Variants in INPP4B observed in about 807,000 individuals in gnomAD.
The protein encoded by INPP4B is inositol polyphosphate-4-phosphatase type II B.
In INPP4B, 55 loss-of-function variants were observed where a neutral mutation model predicts 122.5. The ratio of observed to expected loss-of-function variants is 0.45; its 90% CI spans 0.36 to 0.56. INPP4B has a LOEUF of 0.56. INPP4B is among the 20% of genes least tolerant of loss of function. The pLI is 0.00. For missense variants in INPP4B, 1,000 were observed against 1,097.7 expected (o/e 0.91, Z 1.26); for synonymous variants, 403 against 388.7 (o/e 1.04, Z -0.43).
intron 7 of INPP4B, among the ~76,000 whole-genome samples, chr4:142,366,088 C>G (rs942687091): frequency 1.7e-4 from 26 of 151,996 alleles, no homozygotes; most frequent in African/African-American, 6.0e-4. Context: ...TAATTTGTTT[C>G]TGCCCCACCC....
At chr4:142,404,124 T>C (rs1430429584) in intron 6 of INPP4B, among the ~76,000 whole-genome samples, 1 of 152,238 alleles carries the variant, frequency 6.6e-6, no homozygotes, top group African/African-American at 2.4e-5. Flanking sequence ...AAGATTATTT[T>C]TGTTAATTCA....
At chr4:142,511,420 AT>A (rs1417159604) in intron 2 of INPP4B, among the ~76,000 whole-genome samples, 2 of 152,172 alleles carry the variant, frequency 1.3e-5, no homozygotes, top group Non-Finnish European at 2.9e-5. Context: ...TAAAAGAGAA[AT>A]TTTTTATCAT....
intron 7 of INPP4B, among the ~76,000 whole-genome samples, chr4:142,375,871 T>C (rs2148777320): frequency 6.6e-6 from 1 of 152,050 alleles, no homozygotes; most frequent in South Asian, 2.1e-4. Flanking sequence ...TGCCCACACC[T>C]GGACTTTTTG....
At chr4:142,145,206 A>G (rs552247295) in intron 18 of INPP4B, among the ~76,000 whole-genome samples, 1 of 152,110 alleles carries the variant, frequency 6.6e-6, no homozygotes, top group Non-Finnish European at 1.5e-5. Flanking sequence ...TATACATTTG[A>G]AAGTATCTGC....
At chr4:142,080,949 A>G (rs1773613627) in intron 25 of INPP4B, among the ~76,000 whole-genome samples, 1 of 152,176 alleles carries the variant, frequency 6.6e-6, no homozygotes, top group Non-Finnish European at 1.5e-5. Context: ...CATGTTGTAT[A>G]TGGCTGAGAT....
chr4:142,212,418 T>C (rs1242319373), intron 12 of INPP4B, among the ~76,000 whole-genome samples: 1 of 152,208 alleles, frequency 6.6e-6, no homozygotes, highest in Non-Finnish European at 1.5e-5. Flanking sequence ...GTTGCAGACC[T>C]AAATCCTGAT....
At chr4:142,818,016 G>C (rs1780328696) in intron 1 of INPP4B, among the ~76,000 whole-genome samples, 1 of 151,908 alleles carries the variant, frequency 6.6e-6, no homozygotes, top group African/African-American at 2.4e-5. Context: ...GAAAAATTGA[G>C]AGGAAGAAAA....
chr4:142,181,717 C>G (rs1199959653), intron 15 of INPP4B, among the ~76,000 whole-genome samples: 2 of 152,058 alleles, frequency 1.3e-5, no homozygotes, highest in Non-Finnish European at 2.9e-5. Context: ...AAATTTACTT[C>G]TTTTATTTTT....
intron 23 of INPP4B, 57 bp downstream of exon 23, chr4:142,108,036 C>A: frequency 3.3e-6 from 3 of 920,888 alleles, no homozygotes; most frequent in Non-Finnish European, 5.2e-6. Context: ...CTGACCTCTT[C>A]TAAAGATTTA....
At chr4:142,137,067 G>T (rs535326260) in intron 18 of INPP4B, among the ~76,000 whole-genome samples, 9 of 152,148 alleles carry the variant, frequency 5.9e-5, no homozygotes, top group Non-Finnish European at 8.8e-5. Context: ...AAAAGAGCTC[G>T]CATCGTCAAG....
At chr4:142,116,339 C>T (rs1405476715) in intron 21 of INPP4B, among the ~76,000 whole-genome samples, 1 of 152,060 alleles carries the variant, frequency 6.6e-6, no homozygotes, top group Non-Finnish European at 1.5e-5. Context: ...AACTCTCCAC[C>T]CCAAATCAAC....
intron 3 of INPP4B, among the ~76,000 whole-genome samples, chr4:142,450,819 T>TGTC (rs1193640196): frequency 2.0e-5 from 3 of 152,302 alleles, no homozygotes; most frequent in Non-Finnish European, 2.9e-5. Context: ...TCTTTCTATA[T>TGTC]GTCACCTGCT....
At chr4:142,144,715 G>A (rs1579065839) in intron 18 of INPP4B, among the ~76,000 whole-genome samples, 1 of 152,006 alleles carries the variant, frequency 6.6e-6, no homozygotes, top group Non-Finnish European at 1.5e-5. Flanking sequence ...GAGGAAGAGG[G>A]ACCATCTACA....
chr4:142,160,662 T>C (rs1819662658), intron 16 of INPP4B, 101 bp from the exon 17 acceptor site: 6 of 775,178 alleles, frequency 7.7e-6, no homozygotes, highest in Non-Finnish European at 1.2e-5. Flanking sequence ...AAGTGGTGTG[T>C]ATGGTGGAAA....
chr4:142,607,945 GGACAAA>G (rs1741632091), intron 2 of INPP4B, among the ~76,000 whole-genome samples: 1 of 152,086 alleles, frequency 6.6e-6, no homozygotes, highest in South Asian at 2.1e-4. Context: ...CTTCCTCTAT[GGACAAA>G]GACACCATGA....
intron 12 of INPP4B, among the ~76,000 whole-genome samples, chr4:142,218,515 C>A (rs1197572025): frequency 6.6e-6 from 1 of 151,958 alleles, no homozygotes; most frequent in African/African-American, 2.4e-5. Flanking sequence ...ACGGAAAAGT[C>A]GTAAGACAAA....
chr4:142,118,630 T>C (rs1417552005), intron 21 of INPP4B, among the ~76,000 whole-genome samples: 2 of 152,094 alleles, frequency 1.3e-5, no homozygotes, highest in Non-Finnish European at 2.9e-5. Context: ...TTACACCTTA[T>C]ACAAAAATTA....
At chr4:142,236,983 C>G (rs1474459828) in intron 12 of INPP4B, among the ~76,000 whole-genome samples, 1 of 152,106 alleles carries the variant, frequency 6.6e-6, no homozygotes, top group Non-Finnish European at 1.5e-5. Context: ...AGGTAGCATT[C>G]AGCATTTTTA....
chr4:142,198,205 C>T (rs1839163577), intron 14 of INPP4B, among the ~76,000 whole-genome samples: 1 of 151,982 alleles, frequency 6.6e-6, no homozygotes, highest in African/African-American at 2.4e-5. Flanking sequence ...ATTCACTAAA[C>T]AAACACCCAC....
Sources: allele counts gnomAD v4.1 joint callset (sites outside exome capture counted in the v4.1 genomes callset), GRCh38; gene constraint gnomAD v4.1.1; transcripts MANE v1.5; gene names NCBI Gene and HGNC (gene_info 2026-07-23, HGNC 2026-07-21).